The following SYT16 variants were observed in gnomAD, a reference collection of about 807,000 sequenced individuals.
SYT16 encodes the protein synaptotagmin-16.
A neutral mutation model predicts 61.4 loss-of-function variants in SYT16; 42 were observed. That is an observed-to-expected ratio of 0.68 (90% CI 0.53 to 0.89). The LOEUF is 0.89. Among genes scored for constraint, SYT16 ranks in the 40% least tolerant of loss-of-function variants. SYT16 has a pLI of 0.00. For missense variants in SYT16, 804 were observed against 807.3 expected, an observed-to-expected ratio of 1.00 and a Z score of 0.05; for synonymous variants, 314 against 302.3, an observed-to-expected ratio of 1.04 and a Z score of -0.40.
chr14:61,833,295 C>CTTT (rs556738010), intron 1 of SYT16, among the ~76,000 whole-genome samples: 28 of 138,778 alleles, frequency 2.0e-4, no homozygotes, highest in African/African-American at 7.4e-4. Context: ...TTTTTCTTTT[C>CTTT]TTTTTTTTTT....
At chr14:62,069,059 G>C (rs961032604) in intron 3 of SYT16, among the ~76,000 whole-genome samples, 4 of 152,196 alleles carry the variant, frequency 2.6e-5, no homozygotes, top group Non-Finnish European at 5.9e-5. Context: ...GCCTCCCAAC[G>C]TGCTGGGATT....
intron 3 of SYT16, among the ~76,000 whole-genome samples, chr14:62,028,548 C>A (rs2054187109): frequency 6.6e-6 from 1 of 152,124 alleles, no homozygotes; most frequent in South Asian, 2.1e-4. Flanking sequence ...TGAAATTCCT[C>A]TGTTCATTTA....
intron 1 of SYT16, among the ~76,000 whole-genome samples, chr14:61,841,611 C>T (rs750429651): frequency 2.6e-5 from 4 of 151,946 alleles, no homozygotes; most frequent in Non-Finnish European, 4.4e-5. Context: ...TCTAGTGTAC[C>T]CATCAACCAA....
rs1296340432 is a variant in SYT16 at position 62,102,475 on chromosome 14, T to C, written c.*1768T>C. 6.6e-6 allele frequency: 1 copy of C among 152,226 alleles called. No individual in the cohort carries two copies. Among genetic ancestry groups the C allele is most frequent in the Admixed American group, 6.5e-5 (1 of 15,276 alleles). The allele number at this position is 152,226 out of a possible 1,614,324, so 9.4% of individuals were successfully genotyped here. On this transcript the variant is annotated 3_prime_UTR_variant, in exon 8 of 8. Coordinates refer to ENST00000683842, the MANE Select transcript of SYT16 (RefSeq NM_001367656.1). ...ATAAAACCATGTTCCTCTGGGTTTT[T>C]ACCCTACCTTTCTTTGGGAGATCTC...
intron 3 of SYT16, among the ~76,000 whole-genome samples, chr14:62,064,334 G>GAAAAAAAAAAAAAAAAAAAAAAAAAA (rs781727444): frequency 7.0e-5 from 3 of 42,988 alleles, no homozygotes; most frequent in East Asian, 7.4e-4. Flanking sequence ...CTTTAAATTT[G>GAAAAAAAAAAAAAAAAAAAAAAAAAA]AAAAAAAAAA....
At chr14:62,098,062 T>G (rs2057322635) in intron 7 of SYT16, among the ~76,000 whole-genome samples, 1 of 152,240 alleles carries the variant, frequency 6.6e-6, no homozygotes, top group African/African-American at 2.4e-5. Context: ...CACCTTGTGT[T>G]TCTCAGCAGA....
intron 1 of SYT16, among the ~76,000 whole-genome samples, chr14:61,865,428 C>T (rs1019433072): frequency 6.6e-6 from 1 of 152,104 alleles, no homozygotes; most frequent in African/African-American, 2.4e-5. Context: ...CACAGAAAGC[C>T]GTGAAGATCC....
At chr14:61,864,505 G>A (rs1321410908) in intron 1 of SYT16, among the ~76,000 whole-genome samples, 5 of 152,238 alleles carry the variant, frequency 3.3e-5, no homozygotes, top group Non-Finnish European at 7.4e-5. Flanking sequence ...AGCGTGGGCC[G>A]CCTTGGCCTT....
chr14:61,918,706 CA>C lies in SYT16; in HGVS notation c.-324-51417del, dbSNP rs574502440. Among the ~76,000 whole-genome samples, 504 of 150,114 alleles carry C rather than the reference CA, an allele frequency of 3.4e-3. 2 individuals carry two copies. The highest frequency in any genetic ancestry group is 0.013 in the East Asian group (65 of 5,150). ...ATTCTCAAAGATAGCTCTGAAAATACAAAAAAAAAGTTATCTCTGGGGGGTG... is the reference window on the plus strand; with the variant it reads ...ATTCTCAAAGATAGCTCTGAAAATACAAAAAAAAGTTATCTCTGGGGGGTG... On this transcript the variant is annotated intron_variant, in intron 1 of 7. Transcript: ENST00000683842.
chr14:62,080,963 C>T lies in SYT16; in HGVS notation c.1123C>T (p.Gln375Ter). 6.2e-7 allele frequency: 1 copy of T among 1,612,466 alleles called. No homozygotes were observed. Among genetic ancestry groups the T allele is most frequent in the Non-Finnish European group, 8.5e-7 (1 of 1,179,212 alleles). The change falls in exon 6 of 8, where the codon CAG (glutamine) becomes TAG (stop). Residue 375 changes from glutamine to a stop codon, truncating the protein, a stop_gained. Transcript: ENST00000683842. LOFTEE classifies it high-confidence loss of function. ...GCTCACAGTGACCATTGTGAGGGCA[C>T]AGGGCCTCCCAGATAAGGACCGAAG... The part of the protein sequence containing the change: ...QKLTVTIVRA[Q>*]GLPDKDRSGV...
intron 3 of SYT16, among the ~76,000 whole-genome samples, chr14:62,018,577 G>T (rs549594107): frequency 6.6e-6 from 1 of 151,988 alleles, no homozygotes; most frequent in Non-Finnish European, 1.5e-5. Flanking sequence ...AAAGTGCTGG[G>T]ATTACAGGCA....
rs1376147376 is a variant in SYT16 at position 62,106,058 on chromosome 14, T to C, written c.*5351T>C. The C allele has an allele frequency of 6.6e-6, 1 of 152,166 alleles. No homozygotes were observed. The highest frequency in any genetic ancestry group is 2.4e-5 in the African/African-American group (1 of 41,436). The allele number at this position is 152,166 out of a possible 1,614,324, so 9.4% of individuals were successfully genotyped here. On this transcript the variant is annotated 3_prime_UTR_variant, in exon 8 of 8. Transcript: ENST00000683842. ...CAGGGGGATGGTGCACACTTTCTCT[T>C]CTTGACCACATGGATAGATTTCAGA... is the stretch of plus-strand genomic sequence containing the variant.
At chr14:61,817,022 C>A (rs1471208740) in intron 1 of SYT16, among the ~76,000 whole-genome samples, 16,463 of 141,610 alleles carry the variant, frequency 0.12, 1,330 homozygotes, top group African/African-American at 0.17. Context: ...CACACACACA[C>A]ACACACAAAA....
At chr14:61,822,784 TAAAA>T (rs1193450576) in intron 1 of SYT16, among the ~76,000 whole-genome samples, 5 of 152,066 alleles carry the variant, frequency 3.3e-5, no homozygotes, top group Non-Finnish European at 7.4e-5. Flanking sequence ...TTGGAAAAAT[TAAAA>T]AACACAGGAA....
intron 2 of SYT16, among the ~76,000 whole-genome samples, chr14:61,984,344 C>A (rs2052213210): frequency 6.6e-6 from 1 of 152,104 alleles, no homozygotes; most frequent in Admixed American, 6.6e-5. Flanking sequence ...TTTAGAATTT[C>A]TCCAAAGAAG....
At chr14:62,054,224 T>C (rs2055437015) in intron 3 of SYT16, among the ~76,000 whole-genome samples, 1 of 152,188 alleles carries the variant, frequency 6.6e-6, no homozygotes, top group Non-Finnish European at 1.5e-5. Context: ...TTATTTATTA[T>C]TAGATTTTAT....
chr14:61,910,780 C>T (rs370570315), intron 1 of SYT16, among the ~76,000 whole-genome samples: 176 of 152,208 alleles, frequency 1.2e-3, no homozygotes, highest in South Asian at 2.1e-3. Context: ...CCACCCACCT[C>T]GGCCTCCCAA....
rs373403641 is a variant in SYT16 at position 62,075,188 on chromosome 14, G to C, written c.790G>C (p.Asp264His). The C allele has an allele frequency of 5.0e-6, 8 of 1,613,034 alleles. No homozygotes were observed. In the African/African-American group the frequency reaches 1.1e-4, roughly 22 times the overall value. ...RYSENLSYGE[D>H]DHIPAHSQSP... ...TTCTGAGAATCTCTCCTACGGTGAA[G>C]ATGACCACATCCCTGCTCACTCACA... The change falls in exon 5 of 8, where the codon GAT (aspartate) becomes CAT (histidine). Residue 264 changes from aspartate to histidine, a missense_variant. Transcript: ENST00000683842.
chr14:61,883,290 G>T (rs993096416), intron 1 of SYT16, among the ~76,000 whole-genome samples: 1 of 152,134 alleles, frequency 6.6e-6, no homozygotes, highest in Non-Finnish European at 1.5e-5. Context: ...CACATCATTG[G>T]ACTGCAAATT....
Sources: gnomAD v4.1 joint callset for allele counts (sites outside exome capture counted in the v4.1 genomes callset) on GRCh38, gnomAD v4.1.1 for gene constraint, MANE v1.5 for transcripts, NCBI Gene and HGNC (gene_info 2026-07-23, HGNC 2026-07-21) for gene names.